The following C4orf51 variants were observed in gnomAD, a reference collection of about 807,000 sequenced individuals.
C4orf51 encodes uncharacterized protein C4orf51.
A neutral mutation model predicts 25.2 loss-of-function variants in C4orf51; 25 were observed. The observed-to-expected ratio is 0.99, with a 90% CI of 0.72 to 1.39. C4orf51 has a LOEUF of 1.39. C4orf51 is among the 40% of genes most tolerant of loss of function. The pLI is 0.00. For synonymous variants in C4orf51, 100 were observed against 84.5 expected (o/e 1.18, Z -1.01); for missense variants, 252 against 239.6 (o/e 1.05, Z -0.34).
At chr4:145,712,757 G>GT (rs1297794591) in intron 2 of C4orf51, among the ~76,000 whole-genome samples, 2 of 152,230 alleles carry the variant, frequency 1.3e-5, no homozygotes, top group African/African-American at 4.8e-5. Flanking sequence ...TATTTTCCAT[G>GT]TAGACAAAAC....
chr4:145,760,311 T>C (rs1482898859), intron 1 of C4orf51: 1 of 152,328 alleles, frequency 6.6e-6, no homozygotes, highest in Non-Finnish European at 1.5e-5. Context: ...AGAAATGTCA[T>C]GGCACACGAC....
At chr4:145,725,691 A>G (rs1367343675) in intron 2 of C4orf51, among the ~76,000 whole-genome samples, 1 of 152,216 alleles carries the variant, frequency 6.6e-6, no homozygotes, top group East Asian at 1.9e-4. Context: ...ACAAGATCAC[A>G]TAGTGTATGA....
rs1734694005 is a variant in C4orf51, at chr4:145,762,520, A to G, written n.167-8468A>G. Among the ~76,000 whole-genome samples, 1 of 152,208 alleles carries G rather than the reference A, an allele frequency of 6.6e-6. No individual in the cohort carries two copies. ...TTAACACACGGTAAGCACTCAGGAC[A>G]TACTGGTTCATTATTTGAGTGGTCT... On this transcript the variant is annotated intron_variant and non_coding_transcript_variant, in intron 1 of 1. Transcript: ENST00000510096. The surrounding 1 kb of genome is among the most constrained non-coding windows in gnomAD (Gnocchi z 4.9).
At chr4:145,755,943 T>C (rs1306408509), downstream of C4orf51, among the ~76,000 whole-genome samples, 1 of 152,234 alleles carries the variant, frequency 6.6e-6, no homozygotes, top group African/African-American at 2.4e-5. Context: ...TCCAGTTCTA[T>C]ATTCTCTGTC....
intron 1 of C4orf51, among the ~76,000 whole-genome samples, chr4:145,738,640 AATT>A (rs1245734829): frequency 1.3e-5 from 2 of 151,514 alleles, no homozygotes; most frequent in African/African-American, 2.4e-5. Flanking sequence ...TTATATAATC[AATT>A]ATTATTATTA....
chr4:145,713,262 A>G (rs1011929598), intron 2 of C4orf51, among the ~76,000 whole-genome samples: 18 of 152,258 alleles, frequency 1.2e-4, no homozygotes, highest in African/African-American at 3.1e-4. Flanking sequence ...TCATAAGGCT[A>G]TGGACACCAT....
the C4orf51 span, chr4:145,779,485 C>T: frequency 6.2e-7 from 1 of 1,614,210 alleles, no homozygotes. Flanking sequence ...AATCCATTTC[C>T]TGCCTCTAGG....
intron 4 of C4orf51, among the ~76,000 whole-genome samples, chr4:145,729,433 C>G (rs1188742021): frequency 6.6e-6 from 1 of 151,180 alleles, no homozygotes; most frequent in Non-Finnish European, 1.5e-5. Flanking sequence ...TCCCGAGTAG[C>G]TGGGACTACC....
chr4:145,709,021 A>C (rs1330550223), intron 2 of C4orf51, among the ~76,000 whole-genome samples: 1 of 152,180 alleles, frequency 6.6e-6, no homozygotes, highest in Non-Finnish European at 1.5e-5. Context: ...GGCTACAGGA[A>C]GAAGTGGGAG....
chr4:145,722,734 G>T (rs1731809219), intron 2 of C4orf51, among the ~76,000 whole-genome samples: 1 of 152,162 alleles, frequency 6.6e-6, no homozygotes, highest in Non-Finnish European at 1.5e-5. Flanking sequence ...GGTGTACAGT[G>T]GGGAGCAAGC....
the C4orf51 span, among the ~76,000 whole-genome samples, chr4:145,783,941 C>T: frequency 2.0e-4 from 31 of 152,208 alleles, no homozygotes; most frequent in African/African-American, 7.0e-4. Context: ...GTGGAGTTCT[C>T]GTGAATGGTT....
At chr4:145,688,796 T>C (rs1272900397) in intron 1 of C4orf51, among the ~76,000 whole-genome samples, 2 of 152,208 alleles carry the variant, frequency 1.3e-5, no homozygotes, top group African/African-American at 4.8e-5. Context: ...ACAGTTCCAA[T>C]AGGTGTTTTT....
intron 3 of C4orf51, among the ~76,000 whole-genome samples, chr4:145,727,505 T>C (rs930051285): frequency 1.3e-5 from 2 of 152,156 alleles, no homozygotes; most frequent in Non-Finnish European, 2.9e-5. Context: ...CATCTTTCAG[T>C]GTTAATCAAC....
chr4:145,774,709 A>G (rs1407639110), downstream of C4orf51: 3 of 1,600,208 alleles, frequency 1.9e-6, no homozygotes, highest in South Asian at 3.4e-5. Flanking sequence ...GGGGAGAGAA[A>G]AGGGTGACAC....
intron 1 of C4orf51, among the ~76,000 whole-genome samples, chr4:145,684,663 G>C (rs771676729): frequency 1.3e-5 from 2 of 152,154 alleles, no homozygotes; most frequent in Non-Finnish European, 2.9e-5. Context: ...ACTGTGGTGG[G>C]GGATGTTGAT....
At chr4:145,772,162 C>A (rs1207220520), downstream of C4orf51, among the ~76,000 whole-genome samples, 1 of 152,194 alleles carries the variant, frequency 6.6e-6, no homozygotes, top group African/African-American at 2.4e-5. Flanking sequence ...ACTTAGCATG[C>A]ACAAATGTGC....
intron 1 of C4orf51, among the ~76,000 whole-genome samples, chr4:145,769,450 A>T (rs961411351): frequency 1.3e-5 from 2 of 152,236 alleles, no homozygotes; most frequent in African/African-American, 2.4e-5. Flanking sequence ...GAATTAAAAC[A>T]TATTAATTTC....
intron 1 of C4orf51, among the ~76,000 whole-genome samples, chr4:145,695,611 C>T (rs1729999513): frequency 6.6e-6 from 1 of 152,144 alleles, no homozygotes. Flanking sequence ...TTAACCAGAT[C>T]CCCTTTGTCA....
chr4:145,696,727 T>C (rs1484058320), intron 2 of C4orf51, 95 bp downstream of exon 2: 1 of 912,042 alleles, frequency 1.1e-6, no homozygotes, highest in African/African-American at 1.7e-5. Context: ...TTTACTGAGA[T>C]ATGATTGACA....
Sources: gnomAD v4.1 joint callset for allele counts (sites outside exome capture counted in the v4.1 genomes callset) on GRCh38, gnomAD v4.1.1 for gene constraint, Gnocchi (gnomAD v3.1) non-coding constraint, MANE v1.5 for transcripts, NCBI Gene and HGNC (gene_info 2026-07-23, HGNC 2026-07-21) for gene names.